The following MCPH1 variants were observed in gnomAD, a reference collection of about 807,000 sequenced individuals.
MCPH1 encodes the protein microcephalin 1.
Under a neutral mutation model 84.5 loss-of-function variants are expected in MCPH1, and 104 were observed. That is an observed-to-expected ratio of 1.23 (90% CI 1.05 to 1.45). The LOEUF (loss-of-function observed/expected upper bound fraction) is 1.45. MCPH1 is among the 40% of genes most tolerant of loss of function. The pLI, the probability that MCPH1 is intolerant of heterozygous loss-of-function variation, is 0.00. For missense variants in MCPH1, 1,498 were observed against 1,005.7 expected, an observed-to-expected ratio of 1.49 and a Z score of -6.62; for synonymous variants, 514 against 366.8, an observed-to-expected ratio of 1.40 and a Z score of -4.58.
intron 12 of MCPH1, among the ~76,000 whole-genome samples, chr8:6,505,626 TATGA>T (rs1813448412): frequency 7.7e-6 from 1 of 129,186 alleles, no homozygotes; most frequent in African/African-American, 2.9e-5. Context: ...TATATTTATA[TATGA>T]ATGTATATAT....
intron 9 of MCPH1, among the ~76,000 whole-genome samples, chr8:6,465,467 A>G (rs1481754777): frequency 6.6e-6 from 1 of 152,148 alleles, no homozygotes; most frequent in Non-Finnish European, 1.5e-5. Context: ...CTTACCAGTA[A>G]TTAGTTTGAG....
chr8:6,553,436 A>T (rs540876429), intron 12 of MCPH1, among the ~76,000 whole-genome samples: 6 of 152,268 alleles, frequency 3.9e-5, no homozygotes, highest in Admixed American at 2.6e-4. Flanking sequence ...CCGGGAGAAT[A>T]ACTTCAGAGG....
chr8:6,632,564 C>T lies in MCPH1; in HGVS notation c.2453-10430C>T, dbSNP rs1226835868. 2.0e-5 allele frequency among the ~76,000 whole-genome samples: 3 copies of T among 152,156 alleles called. No individual in the cohort carries two copies. In the East Asian group the frequency reaches 5.8e-4, roughly 29 times the overall value. ...GTGACTCATGCCTGTAATCCCAACA[C>T]TTTGGAAGGCCGAGGGGGGCGGATC... is the stretch of plus-strand genomic sequence containing the variant. On this transcript the variant is annotated intron_variant, in intron 13 of 13. Transcript: ENST00000344683.
At chr8:6,593,823 T>C (rs968512661) in intron 12 of MCPH1, among the ~76,000 whole-genome samples, 5 of 152,240 alleles carry the variant, frequency 3.3e-5, no homozygotes, top group African/African-American at 9.6e-5. Flanking sequence ...CCTTGCAAGA[T>C]ACTTTCTTTT....
At chr8:6,504,891 T>C (rs1269273025) in intron 12 of MCPH1, among the ~76,000 whole-genome samples, 1 of 152,026 alleles carries the variant, frequency 6.6e-6, no homozygotes, top group Non-Finnish European at 1.5e-5. Flanking sequence ...TCTTGGAATG[T>C]TTCCCCTAAG....
At position 6,444,811 on chromosome 8, in the gene MCPH1, C is replaced by T. The variant is rs1195096778; in HGVS notation, c.1089C>T (p.Ser363=). 6.2e-7 allele frequency: 1 copy of T among 1,614,062 alleles called. No homozygotes were observed. ...SVKRKRVSHG[S]HSPPKEKCKR... ...AGAGAAAAAGAGTATCACATGGCTC[C>T]CATTCACCTCCGAAGGAAAAATGCA... Residue 363 remains serine, a synonymous_variant, in exon 8 of 14, where the codon TCC becomes TCT. Transcript: ENST00000344683.
At position 6,431,502 on chromosome 8, in the gene MCPH1, C is replaced by T; in HGVS notation, c.237C>T (p.Cys79=). ...CTACCTTAATTTAATTATACAGATG[C>T]AGGACAGCTGGAGCACACATTGATG... ...KLVSVLWVEK[C]RTAGAHIDES... Residue 79 remains cysteine, a synonymous_variant, in exon 4 of 14, where the codon TGC becomes TGT. Transcript: ENST00000344683. 1 of 1,611,596 alleles carries T rather than the reference C, an allele frequency of 6.2e-7. No homozygotes were observed. Among genetic ancestry groups the T allele is most frequent in the Non-Finnish European group, 8.5e-7 (1 of 1,178,090 alleles).
chr8:6,625,279 A>G, intron 13 of MCPH1: 1 of 985,446 alleles, frequency 1.0e-6, no homozygotes, highest in South Asian at 4.7e-5. Context: ...AAACACAGAG[A>G]GCGCAAATGC....
chr8:6,467,954 A>G (rs2129558217), intron 9 of MCPH1, among the ~76,000 whole-genome samples: 1 of 152,256 alleles, frequency 6.6e-6, no homozygotes, highest in South Asian at 2.1e-4. Context: ...CTGTTTCTCA[A>G]AATAGTAGCA....
At chr8:6,582,626 C>T (rs977522101) in intron 12 of MCPH1, among the ~76,000 whole-genome samples, 2 of 152,170 alleles carry the variant, frequency 1.3e-5, no homozygotes, top group East Asian at 1.9e-4. Context: ...ACCATGAGAG[C>T]GCTGGTGCCC....
In MCPH1 at chr8:6,644,945, C is replaced by T. The variant is rs1798142114; in HGVS notation, c.*1896C>T. The T allele has an allele frequency of 6.6e-6, 1 of 152,178 alleles. No individual in the cohort carries two copies. Among genetic ancestry groups the T allele is most frequent in the African/African-American group, 2.4e-5 (1 of 41,436 alleles). The allele number at this position is 152,178 out of a possible 1,614,324, so 9.4% of individuals were successfully genotyped here. On this transcript the variant is annotated 3_prime_UTR_variant, in exon 14 of 14. Coordinates refer to ENST00000344683, the MANE Select transcript of MCPH1 (RefSeq NM_024596.5). The stretch of plus-strand genomic sequence containing the variant: ...AATAATGTATACACCTAAATCATCC[C>T]CTTATGATACTCATCCTCTAACAGC...
At chr8:6,433,745 T>C (rs748603835) in intron 4 of MCPH1, among the ~76,000 whole-genome samples, 3 of 152,096 alleles carry the variant, frequency 2.0e-5, no homozygotes, top group Non-Finnish European at 2.9e-5. Context: ...TTGTACACTT[T>C]ACCACTTTAA....
chr8:6,458,927 G>A (rs930452164), intron 9 of MCPH1, among the ~76,000 whole-genome samples: 28 of 152,152 alleles, frequency 1.8e-4, no homozygotes, highest in African/African-American at 4.8e-4. Context: ...AATTACAGGC[G>A]TGAGCCACAG....
At chr8:6,601,606 C>G (rs1829371304) in intron 12 of MCPH1, among the ~76,000 whole-genome samples, 1 of 142,434 alleles carries the variant, frequency 7.0e-6, no homozygotes, top group South Asian at 2.2e-4. Context: ...ATACACACAC[C>G]ATACACACCA....
chr8:6,427,552 T>A (rs1189502324), intron 3 of MCPH1, among the ~76,000 whole-genome samples: 1 of 152,060 alleles, frequency 6.6e-6, no homozygotes, highest in Non-Finnish European at 1.5e-5. Flanking sequence ...ATTTTTATTT[T>A]TATTTTTGTA....
At chr8:6,515,529 A>G (rs80107435) in intron 12 of MCPH1, among the ~76,000 whole-genome samples, 2,159 of 152,322 alleles carry the variant, frequency 0.014, 47 homozygotes, top group African/African-American at 0.042. Context: ...GTGGGTTTAA[A>G]CTTTGTCCAG....
rs756924757 is a variant in MCPH1, at chr8:6,442,083, G to C, written c.597G>C (p.Gln199His). ...NLSPTSSQMI[Q>H]QSHDNPSNSL... ...TGTTTTTAGCTTCCCAAATGATTCA[G>C]CAGTCTCATGATAATCCAAGTAACT... The change falls in exon 7 of 14, where the codon CAG (glutamine) becomes CAC (histidine). Residue 199 changes from glutamine to histidine, a missense_variant. Coordinates refer to ENST00000344683, the MANE Select transcript of MCPH1 (RefSeq NM_024596.5). 2 of 1,612,520 alleles carry C rather than the reference G, an allele frequency of 1.2e-6. No individual in the cohort carries two copies. The highest frequency in any genetic ancestry group is 1.7e-6 in the Non-Finnish European group (2 of 1,178,582).
chr8:6,577,602 A>C (rs1827222475), intron 12 of MCPH1, among the ~76,000 whole-genome samples: 1 of 152,252 alleles, frequency 6.6e-6, no homozygotes. Context: ...CTTGCATTTG[A>C]ATATCTTGCA....
chr8:6,571,464 T>A (rs34792601), intron 12 of MCPH1, among the ~76,000 whole-genome samples: 13,888 of 152,228 alleles, frequency 0.091, 671 homozygotes, highest in African/African-American at 0.12. Context: ...TAAAAAAATA[T>A]GTCCAGTCTC....
Sources: allele counts gnomAD v4.1 joint callset (sites outside exome capture counted in the v4.1 genomes callset), GRCh38; gene constraint gnomAD v4.1.1; transcripts MANE v1.5; gene names NCBI Gene and HGNC (gene_info 2026-07-23, HGNC 2026-07-21).